The following LARP4B variants were observed in gnomAD, a reference collection of about 807,000 sequenced individuals.
LARP4B encodes the protein la-related protein 4B.
A neutral mutation model predicts 89.8 loss-of-function variants in LARP4B; 12 were observed. That is an observed-to-expected ratio of 0.13 (90% confidence interval 0.09 to 0.22). The LOEUF is 0.22. Ranked by LOEUF, LARP4B falls within the 10% of genes least tolerant of loss-of-function variation. LARP4B has a pLI of 1.00. For missense variants in LARP4B, 757 were observed against 947.7 expected (o/e 0.80, Z 2.64); for synonymous variants, 367 against 363.3 (o/e 1.01, Z -0.12).
chr10:976,910 G>C, the LARP4B span, among the ~76,000 whole-genome samples: 3 of 151,896 alleles, frequency 2.0e-5, no homozygotes, highest in African/African-American at 7.3e-5. Flanking sequence ...GTAGAAGGTA[G>C]GCCTGTCACG....
At chr10:959,120 G>A in the LARP4B span, among the ~76,000 whole-genome samples, 3 of 152,126 alleles carry the variant, frequency 2.0e-5, no homozygotes, top group African/African-American at 7.2e-5. Context: ...GTTGACAGTG[G>A]GTGCTGGCTG....
At position 829,497 on chromosome 10, in the gene LARP4B, G is replaced by A. The variant is rs770738594; in HGVS notation, c.1013C>T (p.Ala338Val). ...CATGGGAGGGAAGTAGAACGACGTC[G>A]CGTAGCGCTGCTGGGCATACAGGCT... ...DVSLYAQQRY[A>V]TSFYFPPMYS... Residue 338 changes from alanine to valine, a missense_variant, in exon 11 of 18, where the codon GCG becomes GTG. Coordinates refer to ENST00000316157, the MANE Select transcript of LARP4B (RefSeq NM_015155.3). 4.0e-5 allele frequency: 64 copies of A among 1,614,038 alleles called. No homozygotes were observed. The highest frequency in any genetic ancestry group is 8.3e-5 in the Admixed American group (5 of 59,994).
intron 3 of LARP4B, among the ~76,000 whole-genome samples, chr10:873,786 A>T (rs1171631815): frequency 1.3e-5 from 2 of 152,216 alleles, no homozygotes; most frequent in Middle Eastern, 3.2e-3. Context: ...AAATGGAATG[A>T]TGTCAGTTAG....
At chr10:833,269 A>AAC (rs1588878814) in intron 8 of LARP4B, among the ~76,000 whole-genome samples, 1 of 149,276 alleles carries the variant, frequency 6.7e-6, no homozygotes, top group Non-Finnish European at 1.5e-5. Flanking sequence ...AAAAAAAAAA[A>AAC]AAAAAAAAAA....
chr10:824,932 A>G (rs1451748881), intron 13 of LARP4B, 133 bp downstream of exon 13: 4 of 914,930 alleles, frequency 4.4e-6, no homozygotes. Flanking sequence ...GCAATTATAT[A>G]AAACCCTTAT....
At chr10:892,899 GA>G (rs1408755352) in intron 1 of LARP4B, among the ~76,000 whole-genome samples, 10 of 129,562 alleles carry the variant, frequency 7.7e-5, no homozygotes, top group Non-Finnish European at 1.1e-4. Flanking sequence ...TTCACCAAGA[GA>G]AATTTTTTTT....
chr10:867,690 G>A (rs1035154665), intron 3 of LARP4B, among the ~76,000 whole-genome samples: 5 of 151,504 alleles, frequency 3.3e-5, no homozygotes, highest in East Asian at 3.9e-4. Flanking sequence ...GTGAAACCCC[G>A]TCTCTACTGA....
chr10:829,559 T>C lies in LARP4B; in HGVS notation c.951A>G (p.Thr317=). ...RIKAKAIAIN[T]FLPKNGFRPL... is the part of the protein sequence containing the mutation. ...GTCTAAATCCATTCTTTGGCAAAAA[T>C]GTGTTTATAGCTATTGCCTTTGCTT... The change falls in exon 11 of 18, where the codon ACA becomes ACG. Residue 317 remains threonine, a synonymous_variant. Transcript: ENST00000316157. 1.9e-6 allele frequency: 3 copies of C among 1,614,158 alleles called. No homozygotes were observed. The highest frequency in any genetic ancestry group is 4.5e-5 in the East Asian group (2 of 44,868).
At position 812,920 on chromosome 10, in the gene LARP4B, C is replaced by T. The variant is rs1408188382; in HGVS notation, c.*6G>A. ...CGCTCTGCGACCCCTCCCAGACGTA[C>T]GGTTTTCACTGAGGAGACTTGGGGG... is the stretch of plus-strand genomic sequence containing the variant. On this transcript the variant is annotated 3_prime_UTR_variant, in exon 18 of 18. Transcript: ENST00000316157. 6 of 1,528,312 alleles carry T rather than the reference C, an allele frequency of 3.9e-6. No homozygotes were observed. The African/African-American group carries it at 4.2e-5, about 11-fold the overall frequency. The allele number at this position is 1,528,312 out of a possible 1,614,324, so 94.7% of individuals were successfully genotyped here. A position where few individuals can be genotyped will look rare whatever the true frequency, so the allele number is the denominator to read the frequency against.
At chr10:850,648 T>C (rs779761402) in intron 5 of LARP4B, among the ~76,000 whole-genome samples, 1 of 152,142 alleles carries the variant, frequency 6.6e-6, no homozygotes, top group Non-Finnish European at 1.5e-5. Context: ...ATATTCCCCA[T>C]AGCAACAGCA....
At chr10:820,312 G>C (rs982466415) in intron 14 of LARP4B, 1 of 154,486 alleles carries the variant, frequency 6.5e-6, no homozygotes, top group Non-Finnish European at 1.4e-5. Context: ...GTTTGGGTCT[G>C]TCCTGCCAGT....
At chr10:878,571 A>G (rs1275766114) in intron 3 of LARP4B, among the ~76,000 whole-genome samples, 1 of 152,206 alleles carries the variant, frequency 6.6e-6, no homozygotes, top group African/African-American at 2.4e-5. Context: ...CTGGCAGTGG[A>G]TTACCTACGT....
At chr10:892,653 C>A (rs991360037) in intron 1 of LARP4B, among the ~76,000 whole-genome samples, 1 of 151,844 alleles carries the variant, frequency 6.6e-6, no homozygotes, top group Non-Finnish European at 1.5e-5. Flanking sequence ...CATTCTCCTG[C>A]CTCAGCCTCC....
chr10:891,787 T>A (rs1273958285), intron 1 of LARP4B, among the ~76,000 whole-genome samples: 1 of 152,202 alleles, frequency 6.6e-6, no homozygotes, highest in Non-Finnish European at 1.5e-5. Context: ...TGACAGTTTT[T>A]CAAAAAAGGC....
chr10:890,143 A>G (rs563925268), intron 1 of LARP4B, among the ~76,000 whole-genome samples: 7 of 152,360 alleles, frequency 4.6e-5, no homozygotes, highest in African/African-American at 1.7e-4. Context: ...TTAAAAGTGT[A>G]ACTATTTTTG....
chr10:842,844 G>C, intron 7 of LARP4B, 88 bp downstream of exon 7: 1 of 1,249,192 alleles, frequency 8.0e-7, no homozygotes, highest in Non-Finnish European at 1.1e-6. Context: ...GGACCTTAAC[G>C]TTTGATGGCT....
At chr10:827,246 A>G (rs1832679378) in intron 11 of LARP4B, among the ~76,000 whole-genome samples, 1 of 151,532 alleles carries the variant, frequency 6.6e-6, no homozygotes, top group African/African-American at 2.4e-5. Flanking sequence ...ACTGCACTCC[A>G]GCCTGGGCGA....
chr10:969,864 G>A, the LARP4B span, among the ~76,000 whole-genome samples: 21 of 152,194 alleles, frequency 1.4e-4, no homozygotes, highest in African/African-American at 3.6e-4. Context: ...TGCAGCTGAC[G>A]GGAGTTCGTG....
intron 3 of LARP4B, among the ~76,000 whole-genome samples, chr10:867,939 G>A (rs1460046128): frequency 6.7e-6 from 1 of 148,192 alleles, no homozygotes; most frequent in East Asian, 2.0e-4. Context: ...AAAAATGTAT[G>A]GCTAAGCAAT....
Sources: gnomAD v4.1 joint callset for allele counts (sites outside exome capture counted in the v4.1 genomes callset) on GRCh38, gnomAD v4.1.1 for gene constraint, MANE v1.5 for transcripts, NCBI Gene and HGNC (gene_info 2026-07-23, HGNC 2026-07-21) for gene names.